Variants in CMSS1 observed in about 807,000 individuals in gnomAD.
CMSS1 encodes cms1 ribosomal small subunit homolog.
In CMSS1, 33 loss-of-function variants were observed where a neutral mutation model predicts 43.5. That is an observed-to-expected ratio of 0.76 (90% confidence interval 0.57 to 1.01). CMSS1 has a LOEUF of 1.01. Among genes scored for constraint, CMSS1 ranks in the 50% least tolerant of loss-of-function variants. CMSS1 has a pLI of 0.00. For missense variants in CMSS1, 313 were observed against 326.4 expected (o/e 0.96, Z 0.32); for synonymous variants, 115 against 117.2 (o/e 0.98, Z 0.12).
At chr3:99,895,912 A>C (rs1426290549) in intron 1 of CMSS1, among the ~76,000 whole-genome samples, 1 of 152,216 alleles carries the variant, frequency 6.6e-6, no homozygotes, top group Non-Finnish European at 1.5e-5. Flanking sequence ...TGGACAAAGG[A>C]ACCCATCATC....
intron 1 of CMSS1, among the ~76,000 whole-genome samples, chr3:99,916,086 G>T (rs1243881927): frequency 6.6e-6 from 1 of 152,176 alleles, no homozygotes; most frequent in South Asian, 2.1e-4. Context: ...TTATTTTGAG[G>T]TGTATCTGTG....
Position 99,848,657 on chromosome 3 carries a change from C to G in CMSS1, c.64+30614C>G, listed in dbSNP as rs1163049901. On this transcript the variant is annotated intron_variant, in intron 1 of 9. Coordinates refer to ENST00000421999, the MANE Select transcript of CMSS1 (RefSeq NM_032359.4). ...TCAGGAGAGCTAGCTGAACCAGTCA[C>G]AGCCAAAACCTGAATAGGGGACATT... 2.5e-6 allele frequency: 4 copies of G among 1,614,080 alleles called. No homozygotes were observed. In the African/African-American group the frequency reaches 5.3e-5, roughly 22 times the overall value.
chr3:100,157,751 A>C (rs2066988458), intron 2 of CMSS1, among the ~76,000 whole-genome samples: 1 of 152,218 alleles, frequency 6.6e-6, no homozygotes, highest in Non-Finnish European at 1.5e-5. Context: ...GTCGGCTGGC[A>C]GGACAGGCAA....
At chr3:100,162,458 A>G in intron 4 of CMSS1, 26 bp downstream of exon 4, 1 of 1,599,700 alleles carries the variant, frequency 6.3e-7, no homozygotes, top group Non-Finnish European at 8.5e-7. Context: ...AATTTTCCTA[A>G]AGACAAGGAG....
At chr3:100,005,703 G>A (rs1245742445) in intron 1 of CMSS1, among the ~76,000 whole-genome samples, 1 of 152,160 alleles carries the variant, frequency 6.6e-6, no homozygotes, top group Non-Finnish European at 1.5e-5. Flanking sequence ...TAAATACAAG[G>A]CACACAGAAA....
intron 1 of CMSS1, among the ~76,000 whole-genome samples, chr3:100,134,216 T>C (rs1238762144): frequency 6.6e-6 from 1 of 152,148 alleles, no homozygotes; most frequent in Non-Finnish European, 1.5e-5. Context: ...CCTATTCCTC[T>C]GTACTTCAGC....
At chr3:99,901,233 G>A (rs115485249) in intron 1 of CMSS1, among the ~76,000 whole-genome samples, 2,471 of 152,302 alleles carry the variant, frequency 0.016, 38 homozygotes, top group Non-Finnish European at 0.026. Context: ...CGTTGAAATA[G>A]GATAGTACCT....
At chr3:99,877,054 A>G (rs563295431) in intron 1 of CMSS1, among the ~76,000 whole-genome samples, 3 of 152,334 alleles carry the variant, frequency 2.0e-5, no homozygotes, top group South Asian at 2.1e-4. Context: ...ATCCTCTAGT[A>G]TGGGGTAGAT....
intron 1 of CMSS1, among the ~76,000 whole-genome samples, chr3:99,915,871 T>C (rs1371635022): frequency 6.6e-6 from 1 of 152,242 alleles, no homozygotes; most frequent in African/African-American, 2.4e-5. Context: ...TTGAAAACTC[T>C]TATTAATTGT....
chr3:100,138,440 C>T (rs908726116), intron 1 of CMSS1, among the ~76,000 whole-genome samples: 1 of 151,996 alleles, frequency 6.6e-6, no homozygotes, highest in Non-Finnish European at 1.5e-5. Flanking sequence ...TGCAATCTAC[C>T]TATCTGACAA....
At chr3:100,000,255 G>T (rs1709804566) in intron 1 of CMSS1, among the ~76,000 whole-genome samples, 1 of 152,074 alleles carries the variant, frequency 6.6e-6, no homozygotes, top group South Asian at 2.1e-4. Flanking sequence ...CTTGCTTTTT[G>T]TAGGAAAAAA....
intron 1 of CMSS1, among the ~76,000 whole-genome samples, chr3:99,952,428 C>T (rs1035482631): frequency 7.9e-5 from 12 of 152,172 alleles, no homozygotes; most frequent in Non-Finnish European, 1.8e-4. Flanking sequence ...CTGGCTGATC[C>T]TACCCCAGCC....
intron 1 of CMSS1, among the ~76,000 whole-genome samples, chr3:100,107,594 C>A (rs1576070639): frequency 6.6e-6 from 1 of 152,074 alleles, no homozygotes; most frequent in Non-Finnish European, 1.5e-5. Flanking sequence ...TAAATGCTGT[C>A]TTTTTAAATT....
At chr3:100,135,167 A>G (rs138555624) in intron 1 of CMSS1, among the ~76,000 whole-genome samples, 122 of 152,294 alleles carry the variant, frequency 8.0e-4, no homozygotes, top group African/African-American at 2.6e-3. Context: ...TTATATAGCA[A>G]TGCTTCCAAA....
chr3:99,965,512 C>G (rs1708623229), intron 1 of CMSS1, among the ~76,000 whole-genome samples: 1 of 152,106 alleles, frequency 6.6e-6, no homozygotes, highest in African/African-American at 2.4e-5. Context: ...TGAATTTCTT[C>G]CAGATACTTT....
intron 1 of CMSS1, among the ~76,000 whole-genome samples, chr3:99,948,285 G>T (rs1471507586): frequency 4.6e-5 from 7 of 151,992 alleles, no homozygotes; most frequent in Non-Finnish European, 1.0e-4. Flanking sequence ...TTGAGCCCCG[G>T]AGTTTGAGAT....
intron 1 of CMSS1, among the ~76,000 whole-genome samples, chr3:100,014,715 A>G (rs1316107189): frequency 2.0e-5 from 3 of 148,542 alleles, no homozygotes; most frequent in Non-Finnish European, 4.4e-5. Flanking sequence ...TGAGTTCCCT[A>G]TATGTTTTGG....
chr3:99,911,473 A>C (rs1414824228), intron 1 of CMSS1, among the ~76,000 whole-genome samples: 2 of 152,042 alleles, frequency 1.3e-5, no homozygotes, highest in African/African-American at 4.8e-5. Context: ...ATTTTTCTGC[A>C]TGACGAATGT....
chr3:99,999,829 T>C (rs1709790490), intron 1 of CMSS1, among the ~76,000 whole-genome samples: 1 of 152,162 alleles, frequency 6.6e-6, no homozygotes, highest in African/African-American at 2.4e-5. Context: ...ATCTGCTAGA[T>C]TTAAAAAAAC....
Sources: gnomAD v4.1 joint callset for allele counts (sites outside exome capture counted in the v4.1 genomes callset) on GRCh38, gnomAD v4.1.1 for gene constraint, MANE v1.5 for transcripts, NCBI Gene and HGNC (gene_info 2026-07-23, HGNC 2026-07-21) for gene names.